The following MACROD1 variants were observed in gnomAD, a reference collection of about 807,000 sequenced individuals.
MACROD1 encodes the protein ADP-ribose glycohydrolase MACROD1.
A neutral mutation model predicts 41.4 loss-of-function variants in MACROD1; 31 were observed. That is an observed-to-expected ratio of 0.75 (90% CI 0.56 to 1.01). MACROD1 has a LOEUF of 1.01. Ranked by LOEUF, MACROD1 falls within the 50% of genes least tolerant of loss-of-function variation. MACROD1 has a pLI of 0.00. For synonymous variants in MACROD1, 252 were observed against 203.4 expected (o/e 1.24, Z -2.03); for missense variants, 473 against 460.0 (o/e 1.03, Z -0.26).
chr11:64,034,275 G>A (rs376495575), intron 3 of MACROD1, among the ~76,000 whole-genome samples: 23 of 152,246 alleles, frequency 1.5e-4, no homozygotes, highest in African/African-American at 4.8e-4. Context: ...AATTACAGCC[G>A]TCTCTGCATG....
intron 3 of MACROD1, among the ~76,000 whole-genome samples, chr11:64,108,925 C>T (rs1207619304): frequency 1.3e-5 from 2 of 152,192 alleles, no homozygotes; most frequent in Admixed American, 6.5e-5. Context: ...CAGCCAGATT[C>T]CTAAGGACAG....
At chr11:64,084,712 C>A (rs757790731) in intron 3 of MACROD1, among the ~76,000 whole-genome samples, 29 of 152,214 alleles carry the variant, frequency 1.9e-4, no homozygotes, top group Non-Finnish European at 3.5e-4. Context: ...TCCACGTGCC[C>A]GTGCTGCTTC....
At chr11:64,000,703 G>A (rs1942810368) in intron 4 of MACROD1, among the ~76,000 whole-genome samples, 2 of 24,078 alleles carry the variant, frequency 8.3e-5, no homozygotes, top group African/African-American at 5.7e-4. Context: ...GGGGTGACGG[G>A]GAAGCTTCCT....
At chr11:64,011,007 GGTGT>G (rs1302854821) in intron 4 of MACROD1, among the ~76,000 whole-genome samples, 1 of 147,454 alleles carries the variant, frequency 6.8e-6, no homozygotes, top group Non-Finnish European at 1.5e-5. Context: ...GATGTTGGCT[GGTGT>G]GTTGGTTGAG....
intron 3 of MACROD1, among the ~76,000 whole-genome samples, chr11:64,055,652 A>G (rs1210766522): frequency 6.6e-6 from 1 of 152,158 alleles, no homozygotes; most frequent in African/African-American, 2.4e-5. Context: ...CGGGGCCTGC[A>G]TGTTAGACCA....
intron 4 of MACROD1, among the ~76,000 whole-genome samples, chr11:64,010,295 G>A (rs1286440556): frequency 1.2e-5 from 1 of 85,336 alleles, no homozygotes; most frequent in East Asian, 3.0e-4. Flanking sequence ...GCATGTTGGG[G>A]TGTTGGAGTG....
rs1180967662 is a variant in MACROD1, at chr11:64,165,999, G to A, written c.-5C>T. 5 of 1,261,094 alleles carry A rather than the reference G, an allele frequency of 4.0e-6. No individual in the cohort carries two copies. Among genetic ancestry groups the A allele is most frequent in the Non-Finnish European group, 5.0e-6 (5 of 1,006,580 alleles). 78.1% of individuals were successfully genotyped at this position (1,261,094 alleles called of 1,614,324 possible). The stretch of plus-strand genomic sequence containing the variant: ...CAGTCGGCTCTGTAGAGACATGAGC[G>A]GGCGGCGCGGGACGGCTCTCCGCCC... On this transcript the variant is annotated 5_prime_UTR_variant, in exon 1 of 11. Coordinates refer to ENST00000255681, the MANE Select transcript of MACROD1 (RefSeq NM_014067.4).
intron 3 of MACROD1, among the ~76,000 whole-genome samples, chr11:64,091,026 G>A (rs1383766428): frequency 6.6e-6 from 1 of 151,294 alleles, no homozygotes; most frequent in African/African-American, 2.4e-5. Context: ...GGGGGAGGAG[G>A]GAGGGGAGAA....
chr11:64,052,440 C>T (rs1943712257), intron 3 of MACROD1, among the ~76,000 whole-genome samples: 1 of 152,180 alleles, frequency 6.6e-6, no homozygotes, highest in Non-Finnish European at 1.5e-5. Flanking sequence ...TCTCTCTCCC[C>T]AGTTGCTGGG....
At chr11:64,007,553 C>G (rs1445041726) in intron 4 of MACROD1, among the ~76,000 whole-genome samples, 1 of 152,086 alleles carries the variant, frequency 6.6e-6, no homozygotes, top group African/African-American at 2.4e-5. Flanking sequence ...CTCTACAGGA[C>G]CTCCCGGGAG....
intron 3 of MACROD1, among the ~76,000 whole-genome samples, chr11:64,114,540 GATTGATGC>G (rs1944938204): frequency 8.7e-6 from 1 of 114,426 alleles, no homozygotes; most frequent in Non-Finnish European, 2.2e-5. Context: ...TGGATGTATG[GATTGATGC>G]ATGGATGGAT....
Position 64,132,745 on chromosome 11 carries a change from G to A in MACROD1, c.517+18494C>T, listed in dbSNP as rs1945283135. Among the ~76,000 whole-genome samples the A allele has an allele frequency of 3.9e-5, 6 of 152,318 alleles. No individual in the cohort carries two copies. The South Asian group carries it at 1.2e-3, about 32-fold the overall frequency. ...ATCCAGATCTGTAACTTCATAATTA[G>A]GGGGGATTTCCTGAAGGGGCGCCCA... On this transcript the variant is annotated intron_variant, in intron 3 of 10. Transcript: ENST00000255681.
intron 3 of MACROD1, among the ~76,000 whole-genome samples, chr11:64,027,136 G>A (rs569563567): frequency 1.4e-4 from 21 of 152,330 alleles, no homozygotes; most frequent in African/African-American, 4.6e-4. Context: ...ACATTGATGA[G>A]GCCACCGATG....
At chr11:64,030,926 G>A (rs1943285680) in intron 3 of MACROD1, among the ~76,000 whole-genome samples, 1 of 151,960 alleles carries the variant, frequency 6.6e-6, no homozygotes, top group Non-Finnish European at 1.5e-5. Context: ...GGGGATGTGG[G>A]GGTTAGGGAG....
chr11:64,156,865 C>G (rs1429802371), intron 1 of MACROD1, among the ~76,000 whole-genome samples: 1 of 152,234 alleles, frequency 6.6e-6, no homozygotes, highest in African/African-American at 2.4e-5. Flanking sequence ...GGCCAGACAG[C>G]ATGTCTGTCC....
intron 3 of MACROD1, among the ~76,000 whole-genome samples, chr11:64,059,318 A>G (rs1943851871): frequency 6.6e-6 from 1 of 152,158 alleles, no homozygotes; most frequent in Non-Finnish European, 1.5e-5. Context: ...CTGAAGGTGG[A>G]TGCGTGTAGC....
intron 3 of MACROD1, among the ~76,000 whole-genome samples, chr11:64,105,515 C>A (rs978521987): frequency 5.3e-5 from 8 of 152,332 alleles, no homozygotes; most frequent in Admixed American, 5.2e-4. Context: ...CAGCCTGTCC[C>A]CTCCACACAG....
intron 3 of MACROD1, among the ~76,000 whole-genome samples, chr11:64,066,224 G>C (rs1043180091): frequency 6.6e-6 from 1 of 150,624 alleles, no homozygotes; most frequent in African/African-American, 2.4e-5. Flanking sequence ...GAGAACCTGG[G>C]AGGCGGAGGT....
chr11:64,100,631 G>C (rs993715508), intron 3 of MACROD1, among the ~76,000 whole-genome samples: 1 of 152,220 alleles, frequency 6.6e-6, no homozygotes, highest in Non-Finnish European at 1.5e-5. Flanking sequence ...CTTTGGTTCA[G>C]TGAATGCAGG....
Sources: gnomAD v4.1 joint callset for allele counts (sites outside exome capture counted in the v4.1 genomes callset) on GRCh38, gnomAD v4.1.1 for gene constraint, MANE v1.5 for transcripts, NCBI Gene and HGNC (gene_info 2026-07-23, HGNC 2026-07-21) for gene names.